The following RUVBL1 variants were observed in gnomAD, a reference collection of about 807,000 sequenced individuals.
The protein encoded by RUVBL1 is ruvB-like 1.
In RUVBL1, 4 loss-of-function variants were observed where a neutral mutation model predicts 52.4. The ratio of observed to expected loss-of-function variants is 0.08; its 90% CI spans 0.04 to 0.17. The LOEUF (loss-of-function observed/expected upper bound fraction) is 0.17, where lower values mean the gene tolerates loss of function less well. RUVBL1 is among the 10% of genes least tolerant of loss of function. RUVBL1 has a pLI of 1.00. For synonymous variants in RUVBL1, 217 were observed against 214.4 expected (o/e 1.01, Z -0.10); for missense variants, 298 against 572.8 (o/e 0.52, Z 4.90).
chr3:128,091,326 T>G (rs1272146879), intron 8 of RUVBL1, among the ~76,000 whole-genome samples: 1 of 152,198 alleles, frequency 6.6e-6, no homozygotes, highest in African/African-American at 2.4e-5. Context: ...GATCACAGTT[T>G]AACAAGGCAG....
At chr3:128,109,289 T>C (rs1030403844) in intron 3 of RUVBL1, among the ~76,000 whole-genome samples, 1 of 152,152 alleles carries the variant, frequency 6.6e-6, no homozygotes, top group African/African-American at 2.4e-5. Flanking sequence ...CTCACTCCTA[T>C]AATCTCAGCA....
At chr3:128,129,178 G>T (rs1943839052) in intron 1 of RUVBL1, among the ~76,000 whole-genome samples, 1 of 152,030 alleles carries the variant, frequency 6.6e-6, no homozygotes, top group African/African-American at 2.4e-5. Flanking sequence ...GCCACAAAAT[G>T]AGTCTTAATA....
At chr3:128,124,821 G>A (rs1943757159), upstream of RUVBL1, among the ~76,000 whole-genome samples, 1 of 152,070 alleles carries the variant, frequency 6.6e-6, no homozygotes, top group East Asian at 1.9e-4. Context: ...TGTTGCCTTG[G>A]CTGAATTCCA....
At chr3:128,077,451 G>A (rs555257360), downstream of RUVBL1, among the ~76,000 whole-genome samples, 1 of 152,356 alleles carries the variant, frequency 6.6e-6, no homozygotes, top group Non-Finnish European at 1.5e-5. Flanking sequence ...GGATGACCAC[G>A]GATGAAGGGG....
At chr3:128,136,592 C>T (rs1256999292) in intron 1 of RUVBL1, among the ~76,000 whole-genome samples, 2 of 145,324 alleles carry the variant, frequency 1.4e-5, no homozygotes, top group African/African-American at 2.6e-5. Context: ...TGCCACTGTA[C>T]TCCAGCCTGG....
chr3:128,101,484 G>T, intron 5 of RUVBL1, 75 bp downstream of exon 5: 1 of 1,399,904 alleles, frequency 7.1e-7, no homozygotes. Context: ...TCTGAAGAAA[G>T]CAACTCCCTT....
At chr3:128,153,153 T>G in intron 1 of RUVBL1, 1 of 1,077,280 alleles carries the variant, frequency 9.3e-7, no homozygotes, top group Non-Finnish European at 1.2e-6. Context: ...ATTGGTGCAT[T>G]TTACAATCCT....
At chr3:128,116,698 T>A (rs1229734692) in intron 2 of RUVBL1, among the ~76,000 whole-genome samples, 1 of 152,176 alleles carries the variant, frequency 6.6e-6, no homozygotes, top group Non-Finnish European at 1.5e-5. Flanking sequence ...ACAATTTAAC[T>A]TCGTTGTCTT....
intron 6 of RUVBL1, among the ~76,000 whole-genome samples, chr3:128,099,903 C>T (rs1366587600): frequency 6.6e-6 from 1 of 152,130 alleles, no homozygotes. Context: ...GCACTCTTCT[C>T]AGGTCAAGGG....
Position 128,104,864 on chromosome 3 carries a change from C to A in RUVBL1, c.422G>T (p.Cys141Phe). ...YEGEVTELTP[C>F]ETENPMGGYG... ...TCCTCCCATGGGATTCTCTGTCTCA[C>A]ACGGAGTTAGCTCTGTGACTTCACC... The change falls in exon 4 of 11, where the codon TGT becomes TTT. Residue 141 changes from cysteine (C) to phenylalanine (F), a missense_variant. Around this residue, in one of 5 missense-constraint regions of RUVBL1, gnomAD observed 58 missense variants for 83.2 expected, o/e 0.70. Coordinates refer to ENST00000322623, the MANE Select transcript of RUVBL1 (RefSeq NM_003707.3). 1 of 1,613,700 alleles carries A rather than the reference C, an allele frequency of 6.2e-7. No individual in the cohort carries two copies. The highest frequency in any genetic ancestry group is 8.5e-7 in the Non-Finnish European group (1 of 1,179,596).
intron 1 of RUVBL1, among the ~76,000 whole-genome samples, chr3:128,150,730 A>ATATATATTCTATATTATATATTCTC (rs1944176317): frequency 1.7e-5 from 2 of 117,412 alleles, no homozygotes; most frequent in African/African-American, 6.7e-5. Flanking sequence ...TATATATTCT[A>ATATATATTCTATATTATATATTCTC]TATATATTCT....
At chr3:128,088,671 T>C (rs1163530479) in intron 8 of RUVBL1, among the ~76,000 whole-genome samples, 1 of 151,936 alleles carries the variant, frequency 6.6e-6, no homozygotes, top group Non-Finnish European at 1.5e-5. Flanking sequence ...GGCATGATTC[T>C]AGCTCACTGC....
chr3:128,077,251 C>G (rs1210308410), downstream of RUVBL1, among the ~76,000 whole-genome samples: 1 of 152,096 alleles, frequency 6.6e-6, no homozygotes, highest in East Asian at 1.9e-4. Context: ...CCCCCGTGGC[C>G]GGCCCACCCC....
At chr3:128,089,909 CAAAAAAAAAAAAA>C (rs57182193) in intron 8 of RUVBL1, among the ~76,000 whole-genome samples, 2 of 59,312 alleles carry the variant, frequency 3.4e-5, no homozygotes, top group Non-Finnish European at 5.8e-5. Flanking sequence ...GACCCTATCT[CAAAAAAAAAAAAA>C]AAAAAAAAAA....
At chr3:128,105,143 C>T (rs1413956276) in intron 3 of RUVBL1, among the ~76,000 whole-genome samples, 3 of 145,758 alleles carry the variant, frequency 2.1e-5, no homozygotes, top group Non-Finnish European at 3.0e-5. Flanking sequence ...GATAGAGTCT[C>T]GCTCTGTTGC....
chr3:128,109,105 G>C (rs1380069645), intron 3 of RUVBL1, among the ~76,000 whole-genome samples: 1 of 152,228 alleles, frequency 6.6e-6, no homozygotes, highest in Non-Finnish European at 1.5e-5. Flanking sequence ...GTCCCACCTA[G>C]GAGAGGAAGG....
At chr3:128,101,678 A>G in intron 4 of RUVBL1, 30 bp from the exon 5 acceptor site, 2 of 1,601,014 alleles carry the variant, frequency 1.2e-6, no homozygotes, top group Admixed American at 1.7e-5. Context: ...TCAGAAGTGT[A>G]ATACATATTC....
At chr3:128,149,006 C>A (rs989954527) in intron 1 of RUVBL1, among the ~76,000 whole-genome samples, 4 of 151,888 alleles carry the variant, frequency 2.6e-5, no homozygotes, top group Non-Finnish European at 4.4e-5. Context: ...GACCCATTAC[C>A]CAACAATGAT....
At chr3:128,153,225 CTT>C in exon 1 of RUVBL1, 2 of 1,328,092 alleles carry the variant, frequency 1.5e-6, no homozygotes, top group Non-Finnish European at 1.9e-6. Flanking sequence ...AATGGCTTCA[CTT>C]CTCAGAAGGA....
Sources: gnomAD v4.1 joint callset for allele counts (sites outside exome capture counted in the v4.1 genomes callset) on GRCh38, gnomAD v4.1.1 for gene constraint, gnomAD v4.1.1 regional missense constraint, MANE v1.5 for transcripts, NCBI Gene and HGNC (gene_info 2026-07-23, HGNC 2026-07-21) for gene names.